The following ARHGEF12 variants were observed in gnomAD, a reference collection of about 807,000 sequenced individuals.
ARHGEF12 encodes KMT2A/ARHGEF12 fusion protein.
ARHGEF12 carries 66 observed loss-of-function variants against 211.2 expected under a neutral mutation model. The ratio of observed to expected loss-of-function variants is 0.31; its 90% CI spans 0.26 to 0.38. ARHGEF12 has a LOEUF of 0.38. Among genes scored for constraint, ARHGEF12 ranks in the 10% least tolerant of loss-of-function variants. The pLI is 1.00. For missense variants in ARHGEF12, 1,429 were observed against 1,869.5 expected, an observed-to-expected ratio of 0.76 and a Z score of 4.34; for synonymous variants, 592 against 638.4, an observed-to-expected ratio of 0.93 and a Z score of 1.09.
intron 1 of ARHGEF12, among the ~76,000 whole-genome samples, chr11:120,349,201 G>T (rs1328084593): frequency 1.3e-5 from 2 of 152,182 alleles, no homozygotes; most frequent in East Asian, 1.9e-4. Context: ...GTTAAATTGG[G>T]TGTGTTGCCT....
chr11:120,369,886 G>A (rs1943541783), intron 1 of ARHGEF12, among the ~76,000 whole-genome samples: 1 of 152,124 alleles, frequency 6.6e-6, no homozygotes, highest in Non-Finnish European at 1.5e-5. Context: ...TAGAGATGAA[G>A]TCGAGGCTCC....
chr11:120,437,265 T>G, intron 11 of ARHGEF12, 43 bp from the exon 12 acceptor site: 1 of 1,385,862 alleles, frequency 7.2e-7, no homozygotes, highest in Non-Finnish European at 1.0e-6. Context: ...CTCCTTTTGG[T>G]GTGCCTATTG....
At chr11:120,365,102 G>T (rs1943387654) in intron 1 of ARHGEF12, among the ~76,000 whole-genome samples, 1 of 152,046 alleles carries the variant, frequency 6.6e-6, no homozygotes, top group Non-Finnish European at 1.5e-5. Context: ...TACTTTTTAA[G>T]TGTTTCTGGG....
chr11:120,370,974 G>A (rs1565434588), intron 1 of ARHGEF12, among the ~76,000 whole-genome samples: 1 of 152,046 alleles, frequency 6.6e-6, no homozygotes, highest in Non-Finnish European at 1.5e-5. Context: ...TCCCCGCTTC[G>A]TCCTTCAAGA....
chr11:120,337,816 C>A, intron 1 of ARHGEF12: 1 of 985,386 alleles, frequency 1.0e-6, no homozygotes, highest in South Asian at 4.7e-5. Flanking sequence ...TTGACATTAC[C>A]AGTAAATCAC....
At chr11:120,347,151 C>T (rs370811173) in intron 1 of ARHGEF12, among the ~76,000 whole-genome samples, 11,781 of 58,134 alleles carry the variant, frequency 0.2, 1,040 homozygotes, top group Non-Finnish European at 0.24. Flanking sequence ...TTCCTTCCTT[C>T]CTTCCTTCCT....
At chr11:120,442,467 C>T (rs984997193) in intron 15 of ARHGEF12, among the ~76,000 whole-genome samples, 28 of 149,734 alleles carry the variant, frequency 1.9e-4, no homozygotes, top group African/African-American at 6.2e-4. Context: ...TATATATACA[C>T]ACACACACAC....
Position 120,485,224 on chromosome 11 carries a change from C to CA in ARHGEF12, c.*147_*148insA. ...CTGGGATTAGTCAAGTCCCAAGGTG[C>CA]CCAGAGTGGGACTAGTTCTTCACAG... On this transcript the variant is annotated 3_prime_UTR_variant, in exon 41 of 41. Coordinates refer to ENST00000397843, the MANE Select transcript of ARHGEF12 (RefSeq NM_015313.3). 2.1e-6 allele frequency: 2 copies of CA among 934,494 alleles called. No homozygotes were observed. The highest frequency in any genetic ancestry group is 3.3e-6 in the Non-Finnish European group (2 of 602,402). 57.9% of individuals were successfully genotyped at this position (934,494 alleles called of 1,614,324 possible). A position where few individuals can be genotyped will look rare whatever the true frequency, so the allele number is the denominator to read the frequency against.
intron 33 of ARHGEF12, 144 bp downstream of exon 33, chr11:120,475,651 G>A (rs2276035): frequency 0.18 from 148,994 of 846,110 alleles, 14,076 homozygotes; most frequent in African/African-American, 0.25. Context: ...TTACTGCTTA[G>A]AAAGAGACCT....
At chr11:120,347,264 CTCTGTCTGTGTGTGTGTG>C (rs1942793220) in intron 1 of ARHGEF12, among the ~76,000 whole-genome samples, 1 of 112,818 alleles carries the variant, frequency 8.9e-6, no homozygotes, top group Non-Finnish European at 1.8e-5. Context: ...CTCTCTCTCT[CTCTGTCTGTGTGTGTGTG>C]TGTGTGTGTG....
intron 1 of ARHGEF12, chr11:120,337,664 A>G (rs1369851068): frequency 1.0e-6 from 1 of 985,292 alleles, no homozygotes; most frequent in Non-Finnish European, 1.2e-6. Context: ...GTCCTGCAGT[A>G]GATTCTCAAG....
chr11:120,484,411 A>G (rs778997248), intron 39 of ARHGEF12, 27 bp from the exon 40 acceptor site: 2 of 1,603,684 alleles, frequency 1.2e-6, no homozygotes, highest in Non-Finnish European at 1.7e-6. Flanking sequence ...ACGTTTGAAT[A>G]AAAAACCTAT....
At chr11:120,362,675 A>G (rs1367647593) in intron 1 of ARHGEF12, among the ~76,000 whole-genome samples, 1 of 152,234 alleles carries the variant, frequency 6.6e-6, no homozygotes, top group Non-Finnish European at 1.5e-5. Context: ...TTTGGAAAGT[A>G]TCTTCTAGAT....
chr11:120,343,948 C>CA (rs917976810), intron 1 of ARHGEF12, among the ~76,000 whole-genome samples: 3 of 151,800 alleles, frequency 2.0e-5, no homozygotes, highest in Non-Finnish European at 4.4e-5. Flanking sequence ...TTTATGGATT[C>CA]AAAAAAATGT....
chr11:120,358,340 G>A (rs370084881), intron 1 of ARHGEF12, among the ~76,000 whole-genome samples: 1 of 152,096 alleles, frequency 6.6e-6, no homozygotes, highest in East Asian at 1.9e-4. Flanking sequence ...TCAAAGTGTG[G>A]GGCTTTCTGG....
At chr11:120,406,287 A>C (rs1242073150) in intron 2 of ARHGEF12, 146 bp downstream of exon 2, 8 of 519,828 alleles carry the variant, frequency 1.5e-5, no homozygotes, top group Non-Finnish European at 2.6e-5. Context: ...CAAATTTAAA[A>C]TGTAAAAGAT....
At chr11:120,424,647 C>T (rs1219947689) in intron 7 of ARHGEF12, among the ~76,000 whole-genome samples, 1 of 152,178 alleles carries the variant, frequency 6.6e-6, no homozygotes, top group African/African-American at 2.4e-5. Context: ...CCTGGTTTAG[C>T]CCCTTGGCTG....
chr11:120,480,760 G>C (rs1182921737), intron 38 of ARHGEF12, among the ~76,000 whole-genome samples: 3 of 152,190 alleles, frequency 2.0e-5, no homozygotes, highest in Admixed American at 6.5e-5. Flanking sequence ...GGGACGGAGA[G>C]TAATGAAGGC....
intron 15 of ARHGEF12, 38 bp downstream of exon 15, chr11:120,442,240 T>G (rs919251841): frequency 4.0e-6 from 6 of 1,489,840 alleles, no homozygotes; most frequent in Non-Finnish European, 5.5e-6. Context: ...TTTGCCTTAG[T>G]ACATGGAATT....
Sources: gnomAD v4.1 joint callset for allele counts (sites outside exome capture counted in the v4.1 genomes callset) on GRCh38, gnomAD v4.1.1 for gene constraint, MANE v1.5 for transcripts, NCBI Gene and HGNC (gene_info 2026-07-23, HGNC 2026-07-21) for gene names.